The following UMAD1 variants were observed in gnomAD, a reference collection of about 807,000 sequenced individuals.
UMAD1 encodes the protein UBAP1-MVB12-associated (UMA)-domain containing protein 1.
Under a neutral mutation model 6.1 loss-of-function variants are expected in UMAD1, and 8 were observed. That is an observed-to-expected ratio of 1.30 (90% confidence interval 0.76 to 2.35). The LOEUF (loss-of-function observed/expected upper bound fraction) is 2.35. Among genes scored for constraint, UMAD1 ranks in the 30% most tolerant of loss-of-function variants. The probability of loss-of-function intolerance (pLI) is 0.00; values close to 1 mark genes in which losing one functional copy is unlikely to be tolerated. For synonymous variants in UMAD1, 56 were observed against 31.4 expected (o/e 1.78, Z -2.61); for missense variants, 130 against 78.4 (o/e 1.66, Z -2.49).
intron 1 of UMAD1, among the ~76,000 whole-genome samples, chr7:7,660,215 C>T (rs2115088817): frequency 6.6e-6 from 1 of 152,266 alleles, no homozygotes; most frequent in South Asian, 2.1e-4. Flanking sequence ...AGATGGGTCT[C>T]CTGAATACAA....
rs148924729 is a variant in UMAD1, at chr7:7,847,293, C to T, written c.157-29988C>T. On this transcript the variant is annotated intron_variant, in intron 3 of 3. Transcript: ENST00000682710. Reference sequence around the variant, plus strand: ...GTTCTGAGCAAACCAAGATGGTTTTCACTCTAGCTGATGCTTCACAGTTTA... The same window carrying T: ...GTTCTGAGCAAACCAAGATGGTTTTTACTCTAGCTGATGCTTCACAGTTTA... Among the ~76,000 whole-genome samples, 1,162 of 151,146 alleles carry T rather than the reference C, an allele frequency of 7.7e-3. 15 individuals carry two copies. The highest frequency in any genetic ancestry group is 0.026 in the African/African-American group (1,089 of 41,156).
chr7:7,798,249 A>G (rs1276916449), intron 2 of UMAD1, among the ~76,000 whole-genome samples: 1 of 152,250 alleles, frequency 6.6e-6, no homozygotes, highest in African/African-American at 2.4e-5. Context: ...CTCGTCTAAA[A>G]TATAGATGAG....
chr7:7,814,662 AT>A (rs1783090354), intron 3 of UMAD1, among the ~76,000 whole-genome samples: 1 of 151,452 alleles, frequency 6.6e-6, no homozygotes, highest in Non-Finnish European at 1.5e-5. Context: ...TTTTATTTTA[AT>A]AGGTTGTAAG....
At chr7:7,755,724 G>T (rs182946838) in intron 2 of UMAD1, among the ~76,000 whole-genome samples, 4 of 152,230 alleles carry the variant, frequency 2.6e-5, no homozygotes, top group African/African-American at 9.6e-5. Context: ...TACAAGTTAA[G>T]AAACCATTTT....
intron 2 of UMAD1, among the ~76,000 whole-genome samples, chr7:7,787,198 G>T (rs1335065316): frequency 1.3e-5 from 2 of 152,110 alleles, no homozygotes; most frequent in African/African-American, 4.8e-5. Context: ...ATGAAACCAA[G>T]CAGTACTGTG....
chr7:7,644,149 T>G (rs752808690), intron 1 of UMAD1, among the ~76,000 whole-genome samples: 2 of 152,218 alleles, frequency 1.3e-5, no homozygotes, highest in South Asian at 4.1e-4. Context: ...AGTGTTTTTT[T>G]GTCGTGACCC....
chr7:7,737,305 T>C (rs892682300), intron 2 of UMAD1, among the ~76,000 whole-genome samples: 3 of 152,194 alleles, frequency 2.0e-5, no homozygotes, highest in African/African-American at 7.2e-5. Context: ...ATGGACTCAG[T>C]AGGGCTGTTG....
intron 1 of UMAD1, among the ~76,000 whole-genome samples, chr7:7,648,257 C>T (rs1405116292): frequency 6.6e-6 from 1 of 152,226 alleles, no homozygotes; most frequent in Non-Finnish European, 1.5e-5. Flanking sequence ...TTTGACAGAT[C>T]ATGAGTGATT....
At position 7,818,110 on chromosome 7, in the gene UMAD1, A is replaced by C. The variant is rs1186921399; in HGVS notation, c.156+16367A>C. On this transcript the variant is annotated intron_variant, in intron 3 of 3. Transcript: ENST00000682710. ...CCATGTATTAAGCCTAGTAGTACTT[A>C]GTTATTTTTTCTGCTTCTCTCCCTC... Among the ~76,000 whole-genome samples the C allele has an allele frequency of 2.6e-5, 4 of 152,142 alleles. No individual in the cohort carries two copies. The East Asian group carries it at 5.8e-4, about 22-fold the overall frequency.
chr7:7,779,022 C>T (rs1318042580), intron 2 of UMAD1, among the ~76,000 whole-genome samples: 1 of 152,156 alleles, frequency 6.6e-6, no homozygotes, highest in Non-Finnish European at 1.5e-5. Context: ...GAAACTCAGG[C>T]ACAGTGAGGT....
chr7:7,701,041 C>A (rs1780449404), intron 2 of UMAD1, among the ~76,000 whole-genome samples: 1 of 152,130 alleles, frequency 6.6e-6, no homozygotes, highest in African/African-American at 2.4e-5. Flanking sequence ...CAGAGGGAGA[C>A]CTTGTCTCTT....
chr7:7,848,945 A>G (rs905475764), intron 3 of UMAD1, among the ~76,000 whole-genome samples: 6 of 152,290 alleles, frequency 3.9e-5, no homozygotes, highest in Non-Finnish European at 7.4e-5. Context: ...CCACATTCTT[A>G]AAGTATTATT....
chr7:7,868,037 G>A (rs1784264779), intron 3 of UMAD1, among the ~76,000 whole-genome samples: 1 of 152,108 alleles, frequency 6.6e-6, no homozygotes, highest in South Asian at 2.1e-4. Flanking sequence ...CAGCAGCGAG[G>A]AGGAAGCTGG....
chr7:7,842,849 C>A (rs1381751972), intron 3 of UMAD1, among the ~76,000 whole-genome samples: 1 of 152,126 alleles, frequency 6.6e-6, no homozygotes, highest in Admixed American at 6.5e-5. Context: ...GGGAGGAAGA[C>A]AGAATACAGT....
chr7:7,664,438 G>A (rs1779384968), intron 1 of UMAD1, among the ~76,000 whole-genome samples: 1 of 152,074 alleles, frequency 6.6e-6, no homozygotes, highest in South Asian at 2.1e-4. Flanking sequence ...ATCCTGTTTT[G>A]CCACTCTGAA....
intron 1 of UMAD1, among the ~76,000 whole-genome samples, chr7:7,645,232 G>T (rs1314482897): frequency 6.6e-6 from 1 of 151,964 alleles, no homozygotes; most frequent in African/African-American, 2.4e-5. Flanking sequence ...CTTTTGCCTA[G>T]GATAGAGCCT....
intron 1 of UMAD1, among the ~76,000 whole-genome samples, chr7:7,663,433 A>G (rs1158052798): frequency 6.6e-6 from 1 of 152,186 alleles, no homozygotes; most frequent in African/African-American, 2.4e-5. Flanking sequence ...TCTCTTGCTT[A>G]TCCTCTCAGG....
chr7:7,877,307 G>C lies in UMAD1; in HGVS notation c.183G>C (p.Val61=), dbSNP rs1239692368. The change falls in exon 4 of 4, where the codon GTG becomes GTC. Residue 61 remains valine, a synonymous_variant. Transcript: ENST00000682710. ...LETNKENSSS[V]TVSDPEMENK... ...CCAACAAAGAAAATTCATCCAGTGT[G>C]ACTGTATCAGACCCTGAGATGGAAA... 2.8e-6 allele frequency: 2 copies of C among 717,154 alleles called. No homozygotes were observed. Among genetic ancestry groups the C allele is most frequent in the African/African-American group, 3.5e-5 (2 of 57,376 alleles). 44.4% of individuals were successfully genotyped at this position (717,154 alleles called of 1,614,324 possible).
intron 3 of UMAD1, among the ~76,000 whole-genome samples, chr7:7,863,744 T>G (rs1784170508): frequency 1.3e-5 from 2 of 152,182 alleles, no homozygotes; most frequent in Admixed American, 1.3e-4. Context: ...CATAAAGCTG[T>G]GGGTGGATAG....
Sources: allele counts gnomAD v4.1 joint callset (sites outside exome capture counted in the v4.1 genomes callset), GRCh38; gene constraint gnomAD v4.1.1; transcripts MANE v1.5; gene names NCBI Gene and HGNC (gene_info 2026-07-23, HGNC 2026-07-21).